ARHGEF38: variants seen among roughly 807,000 people sequenced by gnomAD.
ARHGEF38 encodes Rho guanine nucleotide exchange factor 38, also known as Rho guanine nucleotide exchange factor (GEF) 38.
A neutral mutation model predicts 79.9 loss-of-function variants in ARHGEF38; 79 were observed. The ratio of observed to expected loss-of-function variants is 0.99; its 90% CI spans 0.82 to 1.19. The LOEUF is 1.19. Among genes scored for constraint, ARHGEF38 ranks in the 50% most tolerant of loss-of-function variants. The pLI is 0.00. For synonymous variants in ARHGEF38, 366 were observed against 328.3 expected (o/e 1.11, Z -1.24); for missense variants, 962 against 907.2 (o/e 1.06, Z -0.78).
In ARHGEF38 at chr4:105,589,565, G is replaced by C. The variant is rs181691627; in HGVS notation, c.384+130G>C. On this transcript the variant is annotated intron_variant, in intron 2 of 13. Transcript: ENST00000420470. ...TCTCCCCAAAACAGCACTGTTCTCA[G>C]CTCTGGGGTTACAGTTTAGTACAAA... The C allele has an allele frequency of 1.1e-3, 912 of 795,690 alleles. 6 individuals are homozygous for C. The highest frequency in any genetic ancestry group is 8.1e-3 in the Middle Eastern group (21 of 2,602). 49.3% of individuals were successfully genotyped at this position (795,690 alleles called of 1,614,324 possible).
Position 105,589,453 on chromosome 4 carries a change from AT to A in ARHGEF38, c.384+27del, listed in dbSNP as rs576769258. ...ATAAAAAGGTAAATATATATTTGAGATTTTTTTTTCTCTCCCATATCATAAA... is the reference window on the plus strand; with the variant it reads ...ATAAAAAGGTAAATATATATTTGAGATTTTTTTTCTCTCCCATATCATAAA... On this transcript the variant is annotated intron_variant, in intron 2 of 13. Transcript: ENST00000420470. 1.5e-4 allele frequency: 233 copies of A among 1,583,854 alleles called. 2 individuals are homozygous for A. The Middle Eastern group carries it at 8.0e-3, about 55-fold the overall frequency.
In ARHGEF38 at chr4:105,659,048, T is replaced by C; in HGVS notation, c.1234-6T>C. The C allele has an allele frequency of 6.6e-7, 1 of 1,526,254 alleles. No homozygotes were observed. Among genetic ancestry groups the C allele is most frequent in the Non-Finnish European group, 8.8e-7 (1 of 1,141,538 alleles). 94.5% of individuals were successfully genotyped at this position (1,526,254 alleles called of 1,614,324 possible). The stretch of plus-strand genomic sequence containing the variant: ...TCTGAAATGGGCTCATTTTTTCTTT[T>C]GGCAGGCATCTCACTTACAGAGACT... On this transcript the variant is annotated splice_region_variant and splice_polypyrimidine_tract_variant and intron_variant, in intron 9 of 13. Coordinates refer to ENST00000420470, the MANE Select transcript of ARHGEF38 (RefSeq NM_001242729.2).
intron 1 of ARHGEF38, among the ~76,000 whole-genome samples, chr4:105,574,681 A>T (rs1302681823): frequency 1.3e-5 from 2 of 151,678 alleles, no homozygotes; most frequent in Non-Finnish European, 2.9e-5. Context: ...GGCTTTTATT[A>T]TGTTAAGGCG....
intron 13 of ARHGEF38, among the ~76,000 whole-genome samples, chr4:105,668,121 T>C (rs1232702717): frequency 1.3e-5 from 2 of 152,162 alleles, no homozygotes; most frequent in African/African-American, 4.8e-5. Context: ...TTGAGCTATC[T>C]AGTAATTGGC....
At chr4:105,671,024 A>G (rs1186970223) in intron 13 of ARHGEF38, among the ~76,000 whole-genome samples, 1 of 152,186 alleles carries the variant, frequency 6.6e-6, no homozygotes, top group Non-Finnish European at 1.5e-5. Flanking sequence ...AATTACATCC[A>G]TTAGAGATTT....
At chr4:105,654,644 T>G (rs1730248863) in intron 8 of ARHGEF38, among the ~76,000 whole-genome samples, 2 of 152,168 alleles carry the variant, frequency 1.3e-5, no homozygotes, top group Non-Finnish European at 2.9e-5. Flanking sequence ...ACAGAAATAC[T>G]CCCAGAAATT....
At chr4:105,562,353 T>C (rs1230692317) in intron 1 of ARHGEF38, among the ~76,000 whole-genome samples, 2 of 152,242 alleles carry the variant, frequency 1.3e-5, no homozygotes, top group Non-Finnish European at 2.9e-5. Context: ...ACAGTTATTC[T>C]GCTCAATGAC....
At chr4:105,638,617 A>C (rs1240597070) in intron 5 of ARHGEF38, among the ~76,000 whole-genome samples, 1 of 152,182 alleles carries the variant, frequency 6.6e-6, no homozygotes, top group Non-Finnish European at 1.5e-5. Context: ...TCACATTCCA[A>C]AGCTAACTAT....
At chr4:105,647,040 G>A (rs890825002) in intron 6 of ARHGEF38, among the ~76,000 whole-genome samples, 1 of 152,122 alleles carries the variant, frequency 6.6e-6, no homozygotes, top group Non-Finnish European at 1.5e-5. Flanking sequence ...TGCCTCAACT[G>A]TTAGGTGAGT....
intron 1 of ARHGEF38, chr4:105,570,156 T>C (rs1048741993): frequency 2.0e-5 from 3 of 152,238 alleles, no homozygotes; most frequent in Non-Finnish European, 4.4e-5. Context: ...ACATTCACTG[T>C]ATTCAGTTTC....
At chr4:105,605,909 G>C (rs4407508) in intron 2 of ARHGEF38, among the ~76,000 whole-genome samples, 8,528 of 152,160 alleles carry the variant, frequency 0.056, 264 homozygotes, top group Middle Eastern at 0.078. Context: ...AATGTCCCCA[G>C]TGAGTCTCCA....
intron 10 of ARHGEF38, among the ~76,000 whole-genome samples, chr4:105,661,400 C>G (rs553996256): frequency 6.6e-6 from 1 of 151,710 alleles, no homozygotes; most frequent in Admixed American, 6.6e-5. Context: ...AACAACCAGA[C>G]TGTTTTCCAA....
chr4:105,578,880 T>C (rs543318788), intron 1 of ARHGEF38, among the ~76,000 whole-genome samples: 2 of 152,338 alleles, frequency 1.3e-5, no homozygotes, highest in African/African-American at 4.8e-5. Flanking sequence ...ATATTTTAAG[T>C]GGAGCATTTA....
intron 8 of ARHGEF38, 139 bp from the exon 9 acceptor site, chr4:105,655,464 T>C (rs1215474710): frequency 1.1e-6 from 1 of 872,368 alleles, no homozygotes; most frequent in East Asian, 2.7e-5. Context: ...ACAGAGCATT[T>C]ATAAAATGTT....
intron 1 of ARHGEF38, among the ~76,000 whole-genome samples, chr4:105,560,856 A>G (rs1232112441): frequency 1.3e-5 from 2 of 152,312 alleles, no homozygotes; most frequent in Non-Finnish European, 2.9e-5. Context: ...CTCCAGTGTC[A>G]CTACAAAAAG....
chr4:105,585,721 CG>C, intron 1 of ARHGEF38, among the ~76,000 whole-genome samples: 1 of 66,402 alleles, frequency 1.5e-5, no homozygotes, highest in Non-Finnish European at 2.9e-5. Flanking sequence ...ATAGCCCCTC[CG>C]TTGCTTTTTT....
chr4:105,655,519 T>C (rs1730283791), intron 8 of ARHGEF38, 84 bp from the exon 9 acceptor site: 2 of 1,372,904 alleles, frequency 1.5e-6, no homozygotes, highest in Non-Finnish European at 2.0e-6. Context: ...TTAAGGGTTA[T>C]GCTGATGAAG....
intron 3 of ARHGEF38, among the ~76,000 whole-genome samples, chr4:105,627,726 C>T (rs961434926): frequency 6.6e-6 from 1 of 152,122 alleles, no homozygotes; most frequent in African/African-American, 2.4e-5. Context: ...TCCTCTGCTC[C>T]TAATCATCCC....
At chr4:105,619,563 T>C (rs760059505) in intron 3 of ARHGEF38, among the ~76,000 whole-genome samples, 8 of 152,150 alleles carry the variant, frequency 5.3e-5, no homozygotes, top group Non-Finnish European at 7.3e-5. Flanking sequence ...ACTAACTTAT[T>C]TCAACTCAAA....
Sources: allele counts gnomAD v4.1 joint callset (sites outside exome capture counted in the v4.1 genomes callset), GRCh38; gene constraint gnomAD v4.1.1; transcripts MANE v1.5; gene names NCBI Gene and HGNC (gene_info 2026-07-23, HGNC 2026-07-21).